The following XKR5 variants were observed in gnomAD, a reference collection of about 807,000 sequenced individuals.
XKR5 encodes XK-related protein 5.
Under a neutral mutation model 40.8 loss-of-function variants are expected in XKR5, and 46 were observed. That is an observed-to-expected ratio of 1.13 (90% confidence interval 0.89 to 1.44). XKR5 has a LOEUF of 1.44. XKR5 is among the 40% of genes most tolerant of loss of function. The pLI is 0.00. For synonymous variants in XKR5, 466 were observed against 356.1 expected, an observed-to-expected ratio of 1.31 and a Z score of -3.48; for missense variants, 1,169 against 844.7, an observed-to-expected ratio of 1.38 and a Z score of -4.76.
Position 6,811,256 on chromosome 8 carries a change from A to C in XKR5, c.2003T>G (p.Ile668Ser). 2.0e-6 allele frequency: 3 copies of C among 1,537,262 alleles called. No individual in the cohort carries two copies. Among genetic ancestry groups the C allele is most frequent in the Non-Finnish European group, 2.6e-6 (3 of 1,146,926 alleles). ...CLTSTPKSES[I>S]QTDCSCREQM... is the part of the protein sequence containing the mutation. ...TTCCCTGCAGCTGCAGTCCGTTTGGATAGACTCAGACTTAGGGGTGGACGT... is the reference window on the plus strand; with the variant it reads ...TTCCCTGCAGCTGCAGTCCGTTTGGCTAGACTCAGACTTAGGGGTGGACGT... Residue 668 changes from isoleucine (I) to serine (S), a missense_variant, in exon 7 of 7, where the codon ATC (isoleucine) becomes AGC (serine). Coordinates refer to ENST00000618742, the MANE Select transcript of XKR5 (RefSeq NM_207411.5).
chr8:6,819,117 C>T (rs1277863049), intron 5 of XKR5, among the ~76,000 whole-genome samples: 2 of 152,188 alleles, frequency 1.3e-5, no homozygotes, highest in Non-Finnish European at 2.9e-5. Context: ...CTCCAGTGGC[C>T]CAGGAATAGG....
intron 1 of XKR5, 67 bp downstream of exon 1, chr8:6,835,369 G>A: frequency 7.4e-7 from 1 of 1,347,274 alleles, no homozygotes; most frequent in Non-Finnish European, 9.5e-7. Flanking sequence ...CAGCCTGTGC[G>A]GCTCCCGGCG....
chr8:6,815,785 A>T (rs1296818912), intron 6 of XKR5, 22 bp downstream of exon 6: 1 of 1,525,770 alleles, frequency 6.6e-7, no homozygotes, highest in African/African-American at 1.4e-5. Context: ...GATGCAGAGA[A>T]GAAGGTGACA....
chr8:6,821,962 C>A lies in XKR5; in HGVS notation c.714G>T (p.Arg238Ser). The A allele has an allele frequency of 6.2e-7, 1 of 1,612,242 alleles. No homozygotes were observed. Among genetic ancestry groups the A allele is most frequent in the Non-Finnish European group, 8.5e-7 (1 of 1,179,098 alleles). ...CGGCCCCCACGAGCAGGTTGAACAG[C>A]CTCCAGTGGCAGGTGCTGTCGATGA... ...SDIIDSTCHW[R>S]LFNLLVGAVY... The change falls in exon 5 of 7, where the codon AGG becomes AGT. Residue 238 changes from arginine to serine, a missense_variant. Physicochemically the swap from Arg to Ser is moderately radical, Grantham distance 110 (BLOSUM62 -1). Coordinates refer to ENST00000618742, the MANE Select transcript of XKR5 (RefSeq NM_207411.5).
Position 6,811,745 on chromosome 8 carries a change from G to A in XKR5, c.1514C>T (p.Ala505Val). Residue 505 changes from alanine (A) to valine (V), a missense_variant, in exon 7 of 7, where the codon GCC (alanine) becomes GTC (valine). Ala to Val is a moderately conservative substitution (Grantham distance 64). Coordinates refer to ENST00000618742, the MANE Select transcript of XKR5 (RefSeq NM_207411.5). ...QDEAPTQNPA[A>V]TQGEGTPKEG... ...CTTTGGGGTGCCCTCCCCCTGCGTG[G>A]CTGCTGGGTTCTGGGTAGGTGCTTC... 6.5e-7 allele frequency: 1 copy of A among 1,537,584 alleles called. No homozygotes were observed. The highest frequency in any genetic ancestry group is 8.7e-7 in the Non-Finnish European group (1 of 1,146,992).
intron 1 of XKR5, among the ~76,000 whole-genome samples, chr8:6,834,205 A>T (rs1804898105): frequency 6.6e-6 from 1 of 152,200 alleles, no homozygotes; most frequent in Non-Finnish European, 1.5e-5. Context: ...ATCGTTTCAC[A>T]CAACTGTTAC....
intron 1 of XKR5, 30 bp from the exon 2 acceptor site, chr8:6,832,930 T>A: frequency 6.6e-7 from 1 of 1,523,982 alleles, no homozygotes; most frequent in Non-Finnish European, 8.8e-7. Flanking sequence ...GCAAGCAGGT[T>A]GTTGGAAGGC....
At position 6,825,319 on chromosome 8, in the gene XKR5, C is replaced by T; in HGVS notation, c.273G>A (p.Gln91=). The T allele has an allele frequency of 1.2e-6, 2 of 1,600,152 alleles. No individual in the cohort carries two copies. Among genetic ancestry groups the T allele is most frequent in the Non-Finnish European group, 1.7e-6 (2 of 1,174,848 alleles). Residue 91 remains glutamine (Q), a synonymous_variant, in exon 3 of 7, where the codon CAG becomes CAA. Coordinates refer to ENST00000618742, the MANE Select transcript of XKR5 (RefSeq NM_207411.5). ...CTCGGTGGGGAGCCTCCAGTTCCTT[C>T]TGCAGACTGGTCAGTGCAGCGTCCC... ...RHWDAALTSL[Q]KELEAPHRGW...
At chr8:6,835,275 C>A (rs1245403337) in intron 1 of XKR5, among the ~76,000 whole-genome samples, 161 bp downstream of exon 1, 3 of 152,170 alleles carry the variant, frequency 2.0e-5, no homozygotes, top group Non-Finnish European at 4.4e-5. Context: ...GGAGGACGTG[C>A]TCTGCAGGTG....
intron 1 of XKR5, 43 bp downstream of exon 1, chr8:6,835,393 A>G (rs1804967952): frequency 1.4e-6 from 2 of 1,392,780 alleles, no homozygotes; most frequent in South Asian, 1.6e-5. Context: ...GGGTGGGGTT[A>G]GGGGCTGCAG....
intron 2 of XKR5, among the ~76,000 whole-genome samples, chr8:6,831,859 C>CA (rs1475593208): frequency 9.2e-5 from 14 of 151,954 alleles, no homozygotes; most frequent in South Asian, 4.2e-4. Context: ...ACTAAAAATA[C>CA]AAAAAATTAG....
intron 5 of XKR5, 97 bp downstream of exon 5, chr8:6,821,772 A>G: frequency 1.9e-6 from 2 of 1,063,950 alleles, no homozygotes. Context: ...ATAGGTGTGC[A>G]TTGGTGCACA....
intron 6 of XKR5, 48 bp from the exon 7 acceptor site, chr8:6,812,387 A>G (rs1384733236): frequency 1.3e-6 from 2 of 1,483,150 alleles, no homozygotes; most frequent in African/African-American, 1.4e-5. Context: ...TGAAGTCTGC[A>G]TCCTCCCTCT....
In XKR5 at chr8:6,811,546, C is replaced by A. The variant is rs939397148; in HGVS notation, c.1713G>T (p.Arg571Ser). 3 of 1,535,268 alleles carry A rather than the reference C, an allele frequency of 2.0e-6. No individual in the cohort carries two copies. Among genetic ancestry groups the A allele is most frequent in the African/African-American group, 1.4e-5 (1 of 73,038 alleles). The change falls in exon 7 of 7, where the codon AGG becomes AGT. Residue 571 changes from arginine to serine, a missense_variant. Transcript: ENST00000618742. The part of the protein sequence containing the change: ...ATLQTAHSGR[R>S]LGKSSPAQPA... ...GCTGGGCAGGGCTGCTCTTTCCCAGCCTCCTTCCAGAGTGGGCCGTTTGCA... is the reference window on the plus strand; with the variant it reads ...GCTGGGCAGGGCTGCTCTTTCCCAGACTCCTTCCAGAGTGGGCCGTTTGCA...
chr8:6,815,045 C>G (rs1182046232), intron 6 of XKR5, among the ~76,000 whole-genome samples: 1 of 152,216 alleles, frequency 6.6e-6, no homozygotes, highest in Non-Finnish European at 1.5e-5. Context: ...AATCTCTGTC[C>G]TGGCCCATGT....
intron 2 of XKR5, among the ~76,000 whole-genome samples, chr8:6,825,773 A>G (rs1396433695): frequency 6.6e-6 from 1 of 152,186 alleles, no homozygotes; most frequent in Non-Finnish European, 1.5e-5. Context: ...TCTTTGAAGG[A>G]CAAAAAGTAG....
At chr8:6,814,906 G>C (rs1803890605) in intron 6 of XKR5, among the ~76,000 whole-genome samples, 2 of 152,128 alleles carry the variant, frequency 1.3e-5, no homozygotes, top group Admixed American at 1.3e-4. Flanking sequence ...ACTCACACAG[G>C]CCACATCCAA....
rs1032804177 is a variant in XKR5 at position 6,811,210 on chromosome 8, A to C, written c.2049T>G (p.Ser683Arg). The stretch of plus-strand genomic sequence containing the variant: ...ACCATGACTGTGGTCAGATGAAAAA[A>C]CTCGGCTCTTGCTTCATCTGTTCCC... ...SCREQMKQEP[S>R]FFI The change falls in exon 7 of 7, where the codon AGT becomes AGG. Residue 683 changes from serine to arginine, a missense_variant. Coordinates refer to ENST00000618742, the MANE Select transcript of XKR5 (RefSeq NM_207411.5). 1.3e-6 allele frequency: 2 copies of C among 1,534,444 alleles called. No individual in the cohort carries two copies. Among genetic ancestry groups the C allele is most frequent in the Non-Finnish European group, 1.7e-6 (2 of 1,145,252 alleles).
chr8:6,835,227 TG>T (rs1563368350), intron 1 of XKR5, among the ~76,000 whole-genome samples: 1 of 148,432 alleles, frequency 6.7e-6, no homozygotes. Context: ...CATGCATCCT[TG>T]GGGGGATGGT....
Sources: allele counts gnomAD v4.1 joint callset (sites outside exome capture counted in the v4.1 genomes callset), GRCh38; gene constraint gnomAD v4.1.1; transcripts MANE v1.5; gene names NCBI Gene and HGNC (gene_info 2026-07-23, HGNC 2026-07-21).